The following LCA5L variants were observed in gnomAD, a reference collection of about 807,000 sequenced individuals.
LCA5L encodes the protein lebercilin LCA5 like, also known as lebercilin-like protein.
LCA5L carries 35 observed loss-of-function variants against 45.4 expected under a neutral mutation model. That is an observed-to-expected ratio of 0.77 (90% confidence interval 0.59 to 1.02). The LOEUF (loss-of-function observed/expected upper bound fraction) is 1.02. Ranked by LOEUF, LCA5L falls within the 50% of genes least tolerant of loss-of-function variation. LCA5L has a pLI of 0.00. For synonymous variants in LCA5L, 233 were observed against 264.7 expected, an observed-to-expected ratio of 0.88 and a Z score of 1.16; for missense variants, 668 against 761.6, an observed-to-expected ratio of 0.88 and a Z score of 1.45.
chr21:39,416,774 C>A (rs1422779290), intron 7 of LCA5L, among the ~76,000 whole-genome samples: 1 of 152,160 alleles, frequency 6.6e-6, no homozygotes, highest in African/African-American at 2.4e-5. Context: ...ACATCAACAT[C>A]ATTACCAACT....
Position 39,405,856 on chromosome 21 carries a change from A to C in LCA5L, c.*26T>G. 1.4e-6 allele frequency: 2 copies of C among 1,481,418 alleles called. No individual in the cohort carries two copies. The highest frequency in any genetic ancestry group is 1.8e-6 in the Non-Finnish European group (2 of 1,098,418). The allele number at this position is 1,481,418 out of a possible 1,614,324, so 91.8% of individuals were successfully genotyped here. A position where few individuals can be genotyped will look rare whatever the true frequency, so the allele number is the denominator to read the frequency against. ...CACATAAGCAGCATTATATCAAACC[A>C]GAATGCATTAGGATATTGATTATAT... On this transcript the variant is annotated 3_prime_UTR_variant, in exon 11 of 11. Coordinates refer to ENST00000288350, the MANE Select transcript of LCA5L (RefSeq NM_152505.4).
intron 6 of LCA5L, chr21:39,422,161 G>A (rs1033618041): frequency 3.3e-5 from 5 of 152,180 alleles, no homozygotes; most frequent in African/African-American, 1.2e-4. Flanking sequence ...TTAAAACGTG[G>A]AGGAAACGAA....
At chr21:39,425,020 G>T (rs2074412226) in intron 5 of LCA5L, among the ~76,000 whole-genome samples, 1 of 152,208 alleles carries the variant, frequency 6.6e-6, no homozygotes, top group African/African-American at 2.4e-5. Context: ...TGCCCCACAG[G>T]TGTGTGCATT....
intron 7 of LCA5L, among the ~76,000 whole-genome samples, chr21:39,414,502 A>C (rs2040689628): frequency 1.3e-5 from 2 of 152,158 alleles, no homozygotes; most frequent in South Asian, 4.1e-4. Flanking sequence ...GACTTTCGTT[A>C]ATGTGGCAGA....
chr21:39,423,219 T>C lies in LCA5L; in HGVS notation c.594A>G (p.Gln198=). 1 of 1,611,554 alleles carries C rather than the reference T, an allele frequency of 6.2e-7. No individual in the cohort carries two copies. The highest frequency in any genetic ancestry group is 2.2e-5 in the East Asian group (1 of 44,870). Residue 198 remains glutamine (Q), a synonymous_variant, in exon 6 of 11, where the codon CAA becomes CAG. Coordinates refer to ENST00000288350, the MANE Select transcript of LCA5L (RefSeq NM_152505.4). ...CTTCATTCTGATGTTTAGCCATAAT[T>C]TGAGGTAGATTATTTTGTGAATTCT... ...KYENSQNNLP[Q]IMAKHQNEVK...
chr21:39,417,633 A>C (rs1189750674), intron 7 of LCA5L, among the ~76,000 whole-genome samples: 1 of 152,214 alleles, frequency 6.6e-6, no homozygotes, highest in Admixed American at 6.5e-5. Context: ...ATGGACTCAC[A>C]GTTCCACATG....
chr21:39,411,580 T>C (rs981514272), intron 8 of LCA5L, 138 bp downstream of exon 8: 21 of 473,732 alleles, frequency 4.4e-5, no homozygotes, highest in Non-Finnish European at 6.5e-5. Flanking sequence ...AGTCTCGTTA[T>C]TCTTCTAGAA....
Position 39,410,323 on chromosome 21 carries a change from A to G in LCA5L, c.1105T>C (p.Phe369Leu), listed in dbSNP as rs1422269859. The change falls in exon 9 of 11, where the codon TTC becomes CTC. Residue 369 changes from phenylalanine (F) to leucine (L), a missense_variant. Transcript: ENST00000288350. ...GTTCCCTGGTGTCTCATACTTGTGA[A>G]TGGCAAAATTTTTCTGTCTGCTTGG... ...SVQADRKILPFTSMRHQGTQK... is the reference protein window; with the variant it reads ...SVQADRKILPLTSMRHQGTQK... 3 of 1,611,228 alleles carry G rather than the reference A, an allele frequency of 1.9e-6. No individual in the cohort carries two copies. The African/African-American group carries it at 4.0e-5, about 22-fold the overall frequency.
chr21:39,416,884 A>G (rs1049860481), intron 7 of LCA5L, among the ~76,000 whole-genome samples: 1 of 152,146 alleles, frequency 6.6e-6, no homozygotes, highest in Non-Finnish European at 1.5e-5. Context: ...GTTTTAAGTC[A>G]CTTGGAATGG....
Position 39,423,014 on chromosome 21 carries a change from T to C in LCA5L, c.799A>G (p.Ile267Val). The change falls in exon 6 of 11, where the codon ATC becomes GTC. Residue 267 changes from isoleucine to valine, a missense_variant. Ile to Val is a conservative substitution (Grantham distance 29). Transcript: ENST00000288350. The stretch of plus-strand genomic sequence containing the variant: ...TCATTTGCGTCCATTTTTGTTGTGA[T>C]AATAGATAATTTATGAGTGAGTTCT... The part of the protein sequence containing the change: ...REELTHKLSI[I>V]TTKMDANDKK... 1 of 1,614,098 alleles carries C rather than the reference T, an allele frequency of 6.2e-7. No individual in the cohort carries two copies.
intron 7 of LCA5L, among the ~76,000 whole-genome samples, chr21:39,418,674 AT>A (rs2041738224): frequency 6.6e-6 from 1 of 151,852 alleles, no homozygotes. Flanking sequence ...TAATTTTTGT[AT>A]TTTTAGTAGA....
At chr21:39,424,524 A>T (rs1325881841) in intron 5 of LCA5L, among the ~76,000 whole-genome samples, 7 of 152,162 alleles carry the variant, frequency 4.6e-5, no homozygotes, top group Admixed American at 4.6e-4. Flanking sequence ...GAAATTTACT[A>T]AGTGCTTATC....
chr21:39,415,068 AT>A (rs2040895391), intron 7 of LCA5L, among the ~76,000 whole-genome samples: 1 of 151,960 alleles, frequency 6.6e-6, no homozygotes, highest in South Asian at 2.1e-4. Flanking sequence ...TGCCCAGATA[AT>A]TTCTAAATTT....
intron 1 of LCA5L, among the ~76,000 whole-genome samples, 155 bp from the exon 2 acceptor site, chr21:39,444,356 A>C (rs1488686701): frequency 6.6e-6 from 1 of 152,168 alleles, no homozygotes; most frequent in Non-Finnish European, 1.5e-5. Flanking sequence ...ATACCTAACA[A>C]AGCTAAGGGG....
intron 7 of LCA5L, among the ~76,000 whole-genome samples, chr21:39,418,793 C>G (rs2041762802): frequency 6.6e-6 from 1 of 152,166 alleles, no homozygotes; most frequent in African/African-American, 2.4e-5. Flanking sequence ...AGCCACCATG[C>G]CTGGCCAGAA....
At chr21:39,424,072 G>A (rs1392357389) in intron 5 of LCA5L, among the ~76,000 whole-genome samples, 2 of 151,986 alleles carry the variant, frequency 1.3e-5, no homozygotes, top group Non-Finnish European at 2.9e-5. Flanking sequence ...GAGTGTAGTG[G>A]TGCAACCTTG....
intron 5 of LCA5L, 65 bp from the exon 6 acceptor site, chr21:39,423,555 G>C (rs2074098134): frequency 7.3e-7 from 1 of 1,376,940 alleles, no homozygotes; most frequent in African/African-American, 1.4e-5. Context: ...ATGCACATAT[G>C]CATAATCTCT....
chr21:39,432,380 G>A (rs1482660308), intron 3 of LCA5L, among the ~76,000 whole-genome samples: 2 of 152,140 alleles, frequency 1.3e-5, no homozygotes, highest in African/African-American at 4.8e-5. Context: ...TTTTGTACCT[G>A]ATTCGCTAAC....
chr21:39,436,401 AT>A (rs1242619467), intron 2 of LCA5L, among the ~76,000 whole-genome samples: 1 of 152,226 alleles, frequency 6.6e-6, no homozygotes, highest in African/African-American at 2.4e-5. Context: ...TCAGTAGTAA[AT>A]TTATAATTAA....
Sources: gnomAD v4.1 joint callset for allele counts (sites outside exome capture counted in the v4.1 genomes callset) on GRCh38, gnomAD v4.1.1 for gene constraint, MANE v1.5 for transcripts, NCBI Gene and HGNC (gene_info 2026-07-23, HGNC 2026-07-21) for gene names.